Variants in VDAC2 observed in about 807,000 individuals in gnomAD.
VDAC2 encodes the protein voltage dependent anion channel 2, also known as non-selective voltage-gated ion channel VDAC2.
Under a neutral mutation model 36.6 loss-of-function variants are expected in VDAC2, and 6 were observed. That is an observed-to-expected ratio of 0.16 (90% CI 0.09 to 0.32). The LOEUF (loss-of-function observed/expected upper bound fraction) is 0.32, where lower values mean the gene tolerates loss of function less well. Ranked by LOEUF, VDAC2 falls within the 10% of genes least tolerant of loss-of-function variation. The pLI is 1.00. For missense variants in VDAC2, 247 were observed against 346.0 expected (o/e 0.71, Z 2.27); for synonymous variants, 109 against 123.8 (o/e 0.88, Z 0.79).
At chr10:75,227,710 C>T (rs1428947250) in intron 8 of VDAC2, among the ~76,000 whole-genome samples, 2 of 150,158 alleles carry the variant, frequency 1.3e-5, no homozygotes, top group African/African-American at 4.9e-5. Context: ...CCTTAGCACC[C>T]CGAGTAGCTG....
chr10:75,226,114 C>T (rs982636675), intron 8 of VDAC2, among the ~76,000 whole-genome samples: 8 of 152,144 alleles, frequency 5.3e-5, no homozygotes, highest in Middle Eastern at 3.4e-3. Flanking sequence ...TTAAACCTAT[C>T]CCTATCCCAC....
chr10:75,230,959 G>A lies in VDAC2; in HGVS notation c.855G>A (p.Lys285=), dbSNP rs749673322. 1.2e-6 allele frequency: 2 copies of A among 1,612,972 alleles called. No individual in the cohort carries two copies. The highest frequency in any genetic ancestry group is 2.2e-5 in the South Asian group (2 of 90,974). The change falls in exon 10 of 10, where the codon AAG becomes AAA. Residue 285 remains lysine, a synonymous_variant. Coordinates refer to ENST00000332211, the MANE Select transcript of VDAC2 (RefSeq NM_001391963.1). The part of the protein sequence containing the change: ...DGKSINAGGH[K]VGLALELEA ...AGAGCATTAATGCTGGAGGCCACAAGGTTGGGCTCGCCCTGGAGTTGGAGG... is the reference window on the plus strand; with the variant it reads ...AGAGCATTAATGCTGGAGGCCACAAAGTTGGGCTCGCCCTGGAGTTGGAGG...
In VDAC2 at chr10:75,212,213, T is replaced by C. The variant is rs1841445477; in HGVS notation, c.32-17T>C. ...GAGAATAGAGACATTAACACTGGAA[T>C]GTTTTTTTTCTACCAGCAATGTGTA... On this transcript the variant is annotated splice_polypyrimidine_tract_variant and intron_variant, in intron 2 of 9. Transcript: ENST00000332211. The C allele has an allele frequency of 6.2e-7, 1 of 1,610,946 alleles. No individual in the cohort carries two copies. The highest frequency in any genetic ancestry group is 8.5e-7 in the Non-Finnish European group (1 of 1,177,614).
chr10:75,213,617 AC>A (rs1841500410), intron 3 of VDAC2, among the ~76,000 whole-genome samples: 2 of 152,058 alleles, frequency 1.3e-5, no homozygotes, highest in South Asian at 4.1e-4. Context: ...GGTGGCACGC[AC>A]CTGTAGTCCC....
At chr10:75,220,655 C>A in intron 6 of VDAC2, 88 bp from the exon 7 acceptor site, 1 of 1,113,682 alleles carries the variant, frequency 9.0e-7, no homozygotes, top group Non-Finnish European at 1.3e-6. Flanking sequence ...CCTGGTCATA[C>A]TGCAGTTTAT....
intron 8 of VDAC2, among the ~76,000 whole-genome samples, chr10:75,224,051 G>C (rs1841891708): frequency 6.6e-6 from 1 of 152,222 alleles, no homozygotes; most frequent in Non-Finnish European, 1.5e-5. Flanking sequence ...TGCTCTAGGA[G>C]ATTAATTGAA....
At chr10:75,212,185 T>G (rs775640984) in intron 2 of VDAC2, 45 bp from the exon 3 acceptor site, 3 of 1,531,074 alleles carry the variant, frequency 2.0e-6, no homozygotes, top group East Asian at 2.2e-5. Flanking sequence ...GGATAGAAGG[T>G]GGGAGAATAG....
intron 4 of VDAC2, 25 bp from the exon 5 acceptor site, chr10:75,219,038 A>G: frequency 6.2e-7 from 1 of 1,600,536 alleles, no homozygotes; most frequent in South Asian, 1.1e-5. Context: ...GAGAATGTTC[A>G]TGAAGTTATT....
At chr10:75,215,437 C>T (rs1389526329) in intron 4 of VDAC2, among the ~76,000 whole-genome samples, 1 of 151,026 alleles carries the variant, frequency 6.6e-6, no homozygotes, top group Non-Finnish European at 1.5e-5. Flanking sequence ...CTGCAAGCTC[C>T]ACCTCCCAGG....
chr10:75,219,863 T>A (rs192720922), intron 6 of VDAC2, among the ~76,000 whole-genome samples: 1 of 151,728 alleles, frequency 6.6e-6, no homozygotes, highest in African/African-American at 2.4e-5. Context: ...AGTCTTACTC[T>A]GTCACACAGG....
In VDAC2 at chr10:75,211,150, G is replaced by A; in HGVS notation, c.-9G>A. On this transcript the variant is annotated 5_prime_UTR_variant, in exon 2 of 10. Coordinates refer to ENST00000332211, the MANE Select transcript of VDAC2 (RefSeq NM_001391963.1). The stretch of plus-strand genomic sequence containing the variant: ...CTCCCGCAGATTCCCCTCTTCCCGC[G>A]GCCTCGCCATGGCGACCCACGGACA... 1.2e-6 allele frequency: 2 copies of A among 1,611,254 alleles called. No individual in the cohort carries two copies. The highest frequency in any genetic ancestry group is 2.2e-5 in the East Asian group (1 of 44,514).
intron 4 of VDAC2, among the ~76,000 whole-genome samples, chr10:75,214,786 G>A (rs1228193332): frequency 6.6e-6 from 1 of 152,044 alleles, no homozygotes; most frequent in East Asian, 1.9e-4. Context: ...TGGCCTCCCA[G>A]AGTGCTGGGA....
chr10:75,226,548 C>G (rs755614277), intron 8 of VDAC2, among the ~76,000 whole-genome samples: 1 of 150,982 alleles, frequency 6.6e-6, no homozygotes, highest in East Asian at 2.0e-4. Flanking sequence ...CCTCAACCTC[C>G]GCCTCTCGGG....
chr10:75,211,383 C>T (rs1276287653), intron 2 of VDAC2, 194 bp downstream of exon 2: 3 of 1,406,284 alleles, frequency 2.1e-6, no homozygotes, highest in African/African-American at 1.5e-5. Flanking sequence ...GAACAAGGCC[C>T]GGGGAGTTGG....
At chr10:75,211,340 G>GC (rs1841413566) in intron 2 of VDAC2, 151 bp downstream of exon 2, 2 of 1,398,444 alleles carry the variant, frequency 1.4e-6, no homozygotes, top group African/African-American at 2.9e-5. Context: ...CTCCTCTGCG[G>GC]AGGAGGGGCT....
In VDAC2 at chr10:75,230,896, A is replaced by G. The variant is rs1326156007; in HGVS notation, c.794-2A>G. On this transcript the variant is annotated splice_acceptor_variant, in intron 9 of 9. Coordinates refer to ENST00000332211, the MANE Select transcript of VDAC2 (RefSeq NM_001391963.1). LOFTEE classifies it high-confidence loss of function. ...TGTTTTTGTGTTTTTTTGTCTTAAT[A>G]GGTGTGAAGCTTACACTCTCTGCTC... is the stretch of plus-strand genomic sequence containing the variant. The G allele has an allele frequency of 6.2e-7, 1 of 1,611,400 alleles. No homozygotes were observed. Among genetic ancestry groups the G allele is most frequent in the Non-Finnish European group, 8.5e-7 (1 of 1,178,852 alleles).
At chr10:75,218,088 C>CAAA (rs879352648) in intron 4 of VDAC2, 170 of 260,758 alleles carry the variant, frequency 6.5e-4, no homozygotes, top group South Asian at 1.3e-3. Flanking sequence ...GATGCTGTCT[C>CAAA]AAAAAAAAAA....
chr10:75,220,691 G>A (rs1233850622), intron 6 of VDAC2, 52 bp from the exon 7 acceptor site: 2 of 1,495,942 alleles, frequency 1.3e-6, no homozygotes, highest in Non-Finnish European at 1.8e-6. Flanking sequence ...GCTCTCTTGT[G>A]CAGAAGTGTG....
intron 8 of VDAC2, among the ~76,000 whole-genome samples, chr10:75,225,796 T>TTTTTGTTTTG (rs145911980): frequency 7.9e-5 from 12 of 151,820 alleles, no homozygotes; most frequent in Non-Finnish European, 1.3e-4. Context: ...GAGTAGGTTT[T>TTTTTGTTTTG]TTTTGTTTTG....
Sources: allele counts gnomAD v4.1 joint callset (sites outside exome capture counted in the v4.1 genomes callset), GRCh38; gene constraint gnomAD v4.1.1; transcripts MANE v1.5; gene names NCBI Gene and HGNC (gene_info 2026-07-23, HGNC 2026-07-21).